The following ANKS1B variants were observed in gnomAD, a reference collection of about 807,000 sequenced individuals.
The protein encoded by ANKS1B is ankyrin repeat and sterile alpha motif domain containing 1B.
ANKS1B carries 36 observed loss-of-function variants against 148.3 expected under a neutral mutation model. The ratio of observed to expected loss-of-function variants is 0.24; its 90% CI spans 0.19 to 0.32. ANKS1B has a LOEUF of 0.32. Ranked by LOEUF, ANKS1B falls within the 10% of genes least tolerant of loss-of-function variation. The probability of loss-of-function intolerance (pLI) is 1.00; values close to 1 mark genes in which losing one functional copy is unlikely to be tolerated. For synonymous variants in ANKS1B, 542 were observed against 560.8 expected, an observed-to-expected ratio of 0.97 and a Z score of 0.47; for missense variants, 1,157 against 1,542.6, an observed-to-expected ratio of 0.75 and a Z score of 4.19.
At chr12:98,869,838 AAAAC>A (rs1330402251) in intron 17 of ANKS1B, among the ~76,000 whole-genome samples, 1 of 152,202 alleles carries the variant, frequency 6.6e-6, no homozygotes, top group Non-Finnish European at 1.5e-5. Flanking sequence ...GAAAACATGA[AAAAC>A]AAACTTCCCT....
At chr12:99,415,301 C>T (rs1336297232) in intron 11 of ANKS1B, among the ~76,000 whole-genome samples, 1 of 152,088 alleles carries the variant, frequency 6.6e-6, no homozygotes, top group Admixed American at 6.5e-5. Flanking sequence ...GTAAAACCAG[C>T]TTTATTTTCC....
chr12:99,780,040 C>T (rs988411409), intron 5 of ANKS1B, 68 bp from the exon 6 acceptor site: 25 of 1,119,670 alleles, frequency 2.2e-5, no homozygotes, highest in Non-Finnish European at 3.0e-5. Context: ...CTATCACTAT[C>T]TAACTGCTGT....
intron 11 of ANKS1B, among the ~76,000 whole-genome samples, chr12:99,435,804 C>T (rs1022125196): frequency 9.9e-5 from 15 of 151,968 alleles, no homozygotes; most frequent in African/African-American, 3.6e-4. Flanking sequence ...TATCCAAGAA[C>T]ACCAGGTTAA....
chr12:98,976,150 A>C (rs2099895450), intron 17 of ANKS1B, among the ~76,000 whole-genome samples: 1 of 152,246 alleles, frequency 6.6e-6, no homozygotes, highest in African/African-American at 2.4e-5. Flanking sequence ...TCGTGTTAAT[A>C]AAATGTTGAA....
chr12:99,060,455 A>G (rs111591830), intron 16 of ANKS1B, among the ~76,000 whole-genome samples: 10 of 152,240 alleles, frequency 6.6e-5, no homozygotes, highest in African/African-American at 2.4e-4. Context: ...TATGCGTTTT[A>G]TACAAGTAAG....
chr12:99,914,224 T>C (rs1407444729), intron 1 of ANKS1B, among the ~76,000 whole-genome samples: 1 of 152,222 alleles, frequency 6.6e-6, no homozygotes, highest in Non-Finnish European at 1.5e-5. Flanking sequence ...CAGAATGAGA[T>C]TCTGGAATTG....
At chr12:99,273,564 T>G (rs1015258831) in intron 12 of ANKS1B, among the ~76,000 whole-genome samples, 8 of 149,482 alleles carry the variant, frequency 5.4e-5, no homozygotes, top group African/African-American at 2.0e-4. Context: ...ATTCTTTTTT[T>G]TTTTTTGCGA....
At chr12:99,709,935 C>T (rs1384395560) in intron 8 of ANKS1B, among the ~76,000 whole-genome samples, 1 of 152,126 alleles carries the variant, frequency 6.6e-6, no homozygotes, top group Non-Finnish European at 1.5e-5. Flanking sequence ...ATCACTTCTC[C>T]CCATAAAATG....
At chr12:99,523,551 C>CTT (rs71088130) in intron 9 of ANKS1B, among the ~76,000 whole-genome samples, 2,650 of 119,578 alleles carry the variant, frequency 0.022, 130 homozygotes, top group African/African-American at 0.058. Context: ...AAGGCATCTT[C>CTT]TTTTTTTTTT....
chr12:99,516,057 T>C lies in ANKS1B; in HGVS notation c.1273-11416A>G, dbSNP rs138677872. On this transcript the variant is annotated intron_variant, in intron 9 of 26. Coordinates refer to ENST00000683438, the MANE Select transcript of ANKS1B (RefSeq NM_001352186.2). ...TGTTTGGACTGCTTTTATATTCTAGTTATCACCTGTCAGATTATTAGTTTG... is the reference window on the plus strand; with the variant it reads ...TGTTTGGACTGCTTTTATATTCTAGCTATCACCTGTCAGATTATTAGTTTG... Among the ~76,000 whole-genome samples, 1,011 of 152,268 alleles carry C rather than the reference T, an allele frequency of 6.6e-3. 6 individuals carry two copies. Among genetic ancestry groups the C allele is most frequent in the Middle Eastern group, 0.024 (7 of 294 alleles).
intron 15 of ANKS1B, among the ~76,000 whole-genome samples, chr12:99,119,126 A>G (rs1413632746): frequency 1.3e-5 from 2 of 152,162 alleles, no homozygotes; most frequent in African/African-American, 4.8e-5. Flanking sequence ...TGAGATGGGG[A>G]GATTACCATG....
At chr12:99,007,741 C>G (rs1456552388) in intron 17 of ANKS1B, among the ~76,000 whole-genome samples, 1 of 152,108 alleles carries the variant, frequency 6.6e-6, no homozygotes, top group East Asian at 1.9e-4. Flanking sequence ...ATCCCAAAGA[C>G]CCAATTCCTC....
intron 16 of ANKS1B, among the ~76,000 whole-genome samples, chr12:99,073,084 G>T (rs1365096626): frequency 1.3e-5 from 2 of 152,252 alleles, no homozygotes; most frequent in South Asian, 2.1e-4. Flanking sequence ...GTATTTAATA[G>T]ACACTAATAT....
At chr12:98,967,495 C>T (rs993569797) in intron 17 of ANKS1B, among the ~76,000 whole-genome samples, 1 of 151,722 alleles carries the variant, frequency 6.6e-6, no homozygotes, top group Non-Finnish European at 1.5e-5. Flanking sequence ...GTGGAATATA[C>T]ATACTGGTGT....
At chr12:99,865,599 G>T (rs544151448) in intron 1 of ANKS1B, among the ~76,000 whole-genome samples, 2 of 152,156 alleles carry the variant, frequency 1.3e-5, no homozygotes, top group East Asian at 3.8e-4. Flanking sequence ...TTGTTTACAT[G>T]CAACAGTATT....
At chr12:99,556,487 T>C (rs1002056544) in intron 9 of ANKS1B, among the ~76,000 whole-genome samples, 4 of 152,142 alleles carry the variant, frequency 2.6e-5, no homozygotes, top group African/African-American at 7.2e-5. Context: ...TCTGCTAACA[T>C]TGGAATTAGT....
Position 99,403,563 on chromosome 12 carries a change from A to C in ANKS1B, c.1576-3752T>G, listed in dbSNP as rs1213029895. On this transcript the variant is annotated intron_variant, in intron 11 of 26. Coordinates refer to ENST00000683438, the MANE Select transcript of ANKS1B (RefSeq NM_001352186.2). The stretch of plus-strand genomic sequence containing the variant: ...CTTTGTCAGGTGAATAGTTTGCAAA[A>C]ATTTTCTCCCCTTCTGTGGGTTGTC... Among the ~76,000 whole-genome samples the C allele has an allele frequency of 1.2e-4, 18 of 144,340 alleles. 4 individuals carry two copies. The highest frequency in any genetic ancestry group is 4.2e-4 in the African/African-American group (16 of 37,736). 94.7% of individuals were successfully genotyped at this position (144,340 alleles called of 152,430 possible).
chr12:99,214,340 T>C (rs1445714776), intron 14 of ANKS1B, among the ~76,000 whole-genome samples: 2 of 152,134 alleles, frequency 1.3e-5, no homozygotes, highest in African/African-American at 4.8e-5. Context: ...TTTGGCTGTG[T>C]CCCCACCCAA....
chr12:99,167,959 C>A (rs1197266012), intron 14 of ANKS1B, among the ~76,000 whole-genome samples: 1 of 152,206 alleles, frequency 6.6e-6, no homozygotes, highest in African/African-American at 2.4e-5. Context: ...AGAATACATT[C>A]TGTATGATTC....
Sources: allele counts gnomAD v4.1 joint callset (sites outside exome capture counted in the v4.1 genomes callset), GRCh38; gene constraint gnomAD v4.1.1; transcripts MANE v1.5; gene names NCBI Gene and HGNC (gene_info 2026-07-23, HGNC 2026-07-21).